Variants in RNF130 observed in about 807,000 individuals in gnomAD.
The protein encoded by RNF130 is ring finger protein 130, also known as E3 ubiquitin-protein ligase RNF130.
A neutral mutation model predicts 44.6 loss-of-function variants in RNF130; 21 were observed. The ratio of observed to expected loss-of-function variants is 0.47; its 90% CI spans 0.33 to 0.68. The LOEUF (loss-of-function observed/expected upper bound fraction) is 0.68. Among genes scored for constraint, RNF130 ranks in the 30% least tolerant of loss-of-function variants. RNF130 has a pLI of 0.02. For synonymous variants in RNF130, 214 were observed against 210.4 expected (o/e 1.02, Z -0.15); for missense variants, 479 against 560.6 (o/e 0.85, Z 1.47).
chr5:180,059,205 C>A (rs1764912594), intron 1 of RNF130, among the ~76,000 whole-genome samples: 1 of 152,182 alleles, frequency 6.6e-6, no homozygotes, highest in Admixed American at 6.5e-5. Flanking sequence ...ACTGAAACAT[C>A]CTCCTTTCTG....
At chr5:179,960,158 A>G (rs1216098174) in intron 8 of RNF130, among the ~76,000 whole-genome samples, 3 of 152,262 alleles carry the variant, frequency 2.0e-5, no homozygotes, top group Non-Finnish European at 2.9e-5. Context: ...ATAGCCAAGT[A>G]GAGCAGAAGA....
intron 2 of RNF130, among the ~76,000 whole-genome samples, chr5:180,021,230 C>T (rs995677677): frequency 1.2e-4 from 19 of 152,090 alleles, no homozygotes; most frequent in Non-Finnish European, 2.4e-4. Context: ...TCTCATGATC[C>T]GCCTGCCTCG....
intron 1 of RNF130, among the ~76,000 whole-genome samples, chr5:180,059,024 A>G (rs986393811): frequency 6.6e-6 from 1 of 152,184 alleles, no homozygotes; most frequent in Admixed American, 6.5e-5. Context: ...AATCCCTCCA[A>G]TAGTTTTCCA....
intron 2 of RNF130, among the ~76,000 whole-genome samples, chr5:180,023,957 C>T (rs946619576): frequency 6.6e-6 from 1 of 152,216 alleles, no homozygotes; most frequent in African/African-American, 2.4e-5. Flanking sequence ...ACTGGTGATA[C>T]TTCACACTGA....
chr5:180,022,896 T>G (rs1404531326), intron 2 of RNF130, among the ~76,000 whole-genome samples: 1 of 152,248 alleles, frequency 6.6e-6, no homozygotes, highest in Non-Finnish European at 1.5e-5. Context: ...AAAGAAACAT[T>G]AAGTAGAGAG....
At chr5:179,985,957 C>T (rs1369200869) in intron 3 of RNF130, among the ~76,000 whole-genome samples, 1 of 152,210 alleles carries the variant, frequency 6.6e-6, no homozygotes, top group Non-Finnish European at 1.5e-5. Flanking sequence ...TCGTCAAAAG[C>T]TACTTCTCCT....
chr5:180,022,336 C>T (rs555909894), intron 2 of RNF130, among the ~76,000 whole-genome samples: 1 of 152,244 alleles, frequency 6.6e-6, no homozygotes, highest in South Asian at 2.1e-4. Context: ...ATTCATGGTT[C>T]CTATTTTATT....
intron 1 of RNF130, among the ~76,000 whole-genome samples, chr5:180,065,759 C>CA (rs1453297622): frequency 0.011 from 904 of 82,092 alleles, 11 homozygotes; most frequent in South Asian, 0.053. Context: ...GACTCTGTCT[C>CA]AAAAAAAAAA....
At chr5:180,022,969 C>T (rs1763906962) in intron 2 of RNF130, among the ~76,000 whole-genome samples, 1 of 152,184 alleles carries the variant, frequency 6.6e-6, no homozygotes, top group South Asian at 2.1e-4. Context: ...AGCTTTCACG[C>T]CAAGCACCAG....
chr5:179,912,101 C>G (rs1761475323), exon 8 of RNF130: 1 of 152,168 alleles, frequency 6.6e-6, no homozygotes, highest in South Asian at 2.1e-4. Flanking sequence ...ATTACCTGTG[C>G]TATAGTTAGA....
chr5:179,923,183 T>TA (rs1414073611), intron 7 of RNF130, among the ~76,000 whole-genome samples: 3 of 152,198 alleles, frequency 2.0e-5, no homozygotes, highest in Non-Finnish European at 4.4e-5. Flanking sequence ...TTCTCACACT[T>TA]AGATGGTCCA....
intron 7 of RNF130, among the ~76,000 whole-genome samples, chr5:179,927,150 T>A (rs181085542): frequency 6.6e-6 from 1 of 152,320 alleles, no homozygotes; most frequent in African/African-American, 2.4e-5. Context: ...GGGTCAGAAC[T>A]TAAGTCAGTA....
chr5:179,922,289 A>C (rs568075383), intron 7 of RNF130, among the ~76,000 whole-genome samples: 1 of 152,228 alleles, frequency 6.6e-6, no homozygotes, highest in Non-Finnish European at 1.5e-5. Context: ...TCCATTAAAA[A>C]AACTGGGCTT....
chr5:179,927,819 T>A (rs1434494314), intron 7 of RNF130, among the ~76,000 whole-genome samples: 1 of 152,142 alleles, frequency 6.6e-6, no homozygotes, highest in African/African-American at 2.4e-5. Flanking sequence ...CTCGATCTCC[T>A]GACCTCATGA....
At chr5:180,041,126 C>T (rs1210864551) in intron 1 of RNF130, among the ~76,000 whole-genome samples, 1 of 152,170 alleles carries the variant, frequency 6.6e-6, no homozygotes, top group African/African-American at 2.4e-5. Context: ...AAATAATCCT[C>T]GGTTCAGTTA....
chr5:179,930,755 G>A (rs374248526), intron 7 of RNF130, among the ~76,000 whole-genome samples: 21 of 152,080 alleles, frequency 1.4e-4, no homozygotes, highest in African/African-American at 4.8e-4. Flanking sequence ...ATCAAGAATG[G>A]AGGCTGGGCG....
At chr5:179,939,240 A>C (rs1004202446) in intron 7 of RNF130, among the ~76,000 whole-genome samples, 1 of 151,042 alleles carries the variant, frequency 6.6e-6, no homozygotes, top group African/African-American at 2.4e-5. Flanking sequence ...TAAATAAATA[A>C]AAGTGCATAC....
chr5:179,941,606 C>T (rs1582131323), intron 7 of RNF130, among the ~76,000 whole-genome samples: 1 of 152,164 alleles, frequency 6.6e-6, no homozygotes, highest in Non-Finnish European at 1.5e-5. Flanking sequence ...TATGAACTGG[C>T]AGATGCCACA....
At chr5:180,020,228 G>A (rs1460155347) in intron 2 of RNF130, among the ~76,000 whole-genome samples, 1 of 152,216 alleles carries the variant, frequency 6.6e-6, no homozygotes, top group Non-Finnish European at 1.5e-5. Context: ...TTTCGGTTAG[G>A]TGTTCACTTT....
Sources: allele counts gnomAD v4.1 joint callset (sites outside exome capture counted in the v4.1 genomes callset), GRCh38; gene constraint gnomAD v4.1.1; transcripts MANE v1.5; gene names NCBI Gene and HGNC (gene_info 2026-07-23, HGNC 2026-07-21).